ARHGAP42: variants seen among roughly 807,000 people sequenced by gnomAD.
ARHGAP42 encodes Rho GTPase activating protein 42.
Under a neutral mutation model 125.0 loss-of-function variants are expected in ARHGAP42, and 63 were observed. The observed-to-expected ratio is 0.50, with a 90% CI of 0.41 to 0.62. The LOEUF (loss-of-function observed/expected upper bound fraction) is 0.62. ARHGAP42 is among the 20% of genes least tolerant of loss of function. The pLI is 0.00. For missense variants in ARHGAP42, 766 were observed against 1,024.2 expected (o/e 0.75, Z 3.44); for synonymous variants, 339 against 351.0 (o/e 0.97, Z 0.38).
chr11:100,725,600 A>G (rs1861840806), intron 1 of ARHGAP42, among the ~76,000 whole-genome samples: 1 of 151,654 alleles, frequency 6.6e-6, no homozygotes, highest in African/African-American at 2.4e-5. Flanking sequence ...TGAGCGGGCA[A>G]CTGTATCTAC....
At chr11:100,981,421 A>G (rs1565306086) in intron 22 of ARHGAP42, among the ~76,000 whole-genome samples, 1 of 149,664 alleles carries the variant, frequency 6.7e-6, no homozygotes, top group Non-Finnish European at 1.5e-5. Context: ...GACCTTCTAC[A>G]ATGCCTGTCT....
At chr11:100,947,454 G>T (rs1466311390) in intron 10 of ARHGAP42, among the ~76,000 whole-genome samples, 1 of 151,680 alleles carries the variant, frequency 6.6e-6, no homozygotes, top group Non-Finnish European at 1.5e-5. Context: ...TCTGTACTTA[G>T]GTTTTTTCAT....
chr11:100,766,558 A>T (rs1323877281), intron 1 of ARHGAP42, among the ~76,000 whole-genome samples: 1 of 152,218 alleles, frequency 6.6e-6, no homozygotes, highest in Non-Finnish European at 1.5e-5. Flanking sequence ...TAGTTAGACA[A>T]TTAGAAAAAT....
At chr11:100,822,368 G>T (rs998923417) in intron 3 of ARHGAP42, among the ~76,000 whole-genome samples, 1 of 152,006 alleles carries the variant, frequency 6.6e-6, no homozygotes, top group East Asian at 1.9e-4. Flanking sequence ...ATCAGTGGTG[G>T]ATTATAGGGG....
chr11:100,783,599 G>C (rs1361790623), intron 2 of ARHGAP42, among the ~76,000 whole-genome samples: 1 of 152,172 alleles, frequency 6.6e-6, no homozygotes, highest in Non-Finnish European at 1.5e-5. Flanking sequence ...AGCTGTAAGG[G>C]CCACTTGTTT....
chr11:100,739,582 C>G (rs1356418996), intron 1 of ARHGAP42, among the ~76,000 whole-genome samples: 1 of 152,138 alleles, frequency 6.6e-6, no homozygotes, highest in African/African-American at 2.4e-5. Context: ...ATCTTTAAAA[C>G]TATTTCTAGA....
intron 8 of ARHGAP42, among the ~76,000 whole-genome samples, chr11:100,940,067 T>A (rs1867836494): frequency 6.6e-6 from 1 of 152,160 alleles, no homozygotes; most frequent in African/African-American, 2.4e-5. Context: ...TATTAAGTAT[T>A]ATAGTGTGAA....
chr11:100,983,657 C>G (rs1406158132), intron 22 of ARHGAP42, among the ~76,000 whole-genome samples: 1 of 152,184 alleles, frequency 6.6e-6, no homozygotes, highest in Non-Finnish European at 1.5e-5. Flanking sequence ...CTTTGTTACT[C>G]ACTTTTTCAC....
At chr11:100,691,830 G>T (rs903654733) in intron 1 of ARHGAP42, among the ~76,000 whole-genome samples, 1 of 152,092 alleles carries the variant, frequency 6.6e-6, no homozygotes, top group Non-Finnish European at 1.5e-5. Context: ...AGTGCCACAA[G>T]ATTTTAAGTG....
chr11:100,863,218 T>C (rs1434960427), intron 4 of ARHGAP42, among the ~76,000 whole-genome samples: 1 of 152,200 alleles, frequency 6.6e-6, no homozygotes, highest in African/African-American at 2.4e-5. Context: ...TATTTTCTCA[T>C]GTGGTGCATA....
intron 4 of ARHGAP42, among the ~76,000 whole-genome samples, chr11:100,901,092 G>T (rs1026805130): frequency 6.6e-6 from 1 of 152,076 alleles, no homozygotes; most frequent in Non-Finnish European, 1.5e-5. Context: ...CATCCTTTTT[G>T]TTGATGTTGA....
At chr11:100,872,902 C>T (rs1404966038) in intron 4 of ARHGAP42, among the ~76,000 whole-genome samples, 1 of 152,168 alleles carries the variant, frequency 6.6e-6, no homozygotes, top group South Asian at 2.1e-4. Flanking sequence ...TGCTTGCCCT[C>T]ACAGACCACA....
intron 4 of ARHGAP42, among the ~76,000 whole-genome samples, chr11:100,886,530 T>G (rs546227852): frequency 6.6e-6 from 1 of 152,322 alleles, no homozygotes; most frequent in South Asian, 2.1e-4. Flanking sequence ...TATCACAAGA[T>G]TTAGAAATAG....
At chr11:100,715,048 C>CAA (rs36017086) in intron 1 of ARHGAP42, among the ~76,000 whole-genome samples, 22 of 61,880 alleles carry the variant, frequency 3.6e-4, no homozygotes, top group East Asian at 5.3e-4. Flanking sequence ...AACCCTATCT[C>CAA]AAAAAAAAAA....
rs1565311406 is a variant in ARHGAP42 at position 100,992,415 on chromosome 11, A to C, written c.*3614A>C. On this transcript the variant is annotated 3_prime_UTR_variant, in exon 24 of 24. Transcript: ENST00000298815. ...CCAGAAGTTACTTTCCCCTTGACTA[A>C]AGGTTTCCCCTTAGGGTACACATTG... is the stretch of plus-strand genomic sequence containing the variant. 3.7e-6 allele frequency: 6 copies of C among 1,614,064 alleles called. No homozygotes were observed. Among genetic ancestry groups the C allele is most frequent in the Non-Finnish European group, 5.1e-6 (6 of 1,179,958 alleles).
rs1474261110 is a variant in ARHGAP42 at position 100,770,386 on chromosome 11, T to A, written c.198T>A (p.Asp66Glu). 6.4e-7 allele frequency: 1 copy of A among 1,550,678 alleles called. No homozygotes were observed. The highest frequency in any genetic ancestry group is 2.0e-5 in the Admixed American group (1 of 50,984). The change falls in exon 2 of 24, where the codon GAT (aspartate) becomes GAA (glutamate). Residue 66 changes from aspartate to glutamate, a missense_variant. Coordinates refer to ENST00000298815, the MANE Select transcript of ARHGAP42 (RefSeq NM_152432.4). ...AGAAATTTTCCCAGTCATTGCAAGA[T>A]TTCCAGTTTGAATGTATTGGTGATG... ...AVQKFSQSLQ[D>E]FQFECIGDAE...
chr11:100,886,549 T>A (rs1028636313), intron 4 of ARHGAP42, among the ~76,000 whole-genome samples: 4 of 152,240 alleles, frequency 2.6e-5, no homozygotes, highest in African/African-American at 9.6e-5. Flanking sequence ...AGCTCTTTAT[T>A]ACTTCTAATT....
chr11:100,708,968 C>T (rs1180088728), intron 1 of ARHGAP42, among the ~76,000 whole-genome samples: 1 of 152,156 alleles, frequency 6.6e-6, no homozygotes, highest in Non-Finnish European at 1.5e-5. Context: ...TATGATTTGT[C>T]TGTCTGTCTC....
chr11:100,870,635 G>A (rs1291587215), intron 4 of ARHGAP42, among the ~76,000 whole-genome samples: 3 of 152,134 alleles, frequency 2.0e-5, no homozygotes, highest in Non-Finnish European at 1.5e-5. Context: ...ATATTCTAAA[G>A]TACTTAGGAA....
Sources: gnomAD v4.1 joint callset for allele counts (sites outside exome capture counted in the v4.1 genomes callset) on GRCh38, gnomAD v4.1.1 for gene constraint, MANE v1.5 for transcripts, NCBI Gene and HGNC (gene_info 2026-07-23, HGNC 2026-07-21) for gene names.